GRM4: variants seen among roughly 807,000 people sequenced by gnomAD.
The protein encoded by GRM4 is glutamate metabotropic receptor 4, also known as metabotropic glutamate receptor 4.
GRM4 carries 28 observed loss-of-function variants against 81.7 expected under a neutral mutation model. The ratio of observed to expected loss-of-function variants is 0.34; its 90% confidence interval spans 0.25 to 0.47. The LOEUF is 0.47. Ranked by LOEUF, GRM4 falls within the 20% of genes least tolerant of loss-of-function variation. GRM4 has a pLI of 1.00. For missense variants in GRM4, 948 were observed against 1,290.0 expected, an observed-to-expected ratio of 0.73 and a Z score of 4.06; for synonymous variants, 488 against 528.8, an observed-to-expected ratio of 0.92 and a Z score of 1.06.
Position 34,034,313 on chromosome 6 carries a change from A to G in GRM4, c.2442+1355T>C, listed in dbSNP as rs1764581538. ...AAAGCATGGTGTCCTCCTTGACTCGACTGTCTCCTCGTCTCCCACCCAACG... is the reference window on the plus strand; with the variant it reads ...AAAGCATGGTGTCCTCCTTGACTCGGCTGTCTCCTCGTCTCCCACCCAACG... On this transcript the variant is annotated intron_variant, in intron 9 of 10. Transcript: ENST00000538487. The surrounding 1 kb of genome is among the most constrained non-coding windows in gnomAD (Gnocchi z 4.0). Among the ~76,000 whole-genome samples the G allele has an allele frequency of 6.6e-6, 1 of 151,926 alleles. No homozygotes were observed. The highest frequency in any genetic ancestry group is 2.1e-4 in the South Asian group (1 of 4,810).
intron 2 of GRM4, among the ~76,000 whole-genome samples, chr6:34,123,010 G>T (rs150004995): frequency 2.0e-3 from 301 of 152,302 alleles, no homozygotes; most frequent in Middle Eastern, 0.014. Context: ...AGAGCATGAC[G>T]GGGTGAGGGG....
intron 1 of GRM4, among the ~76,000 whole-genome samples, chr6:34,154,712 C>T (rs1771112140): frequency 6.6e-6 from 1 of 152,120 alleles, no homozygotes; most frequent in Non-Finnish European, 1.5e-5. Context: ...GGGGGGGAGT[C>T]GGCACCCCGG....
At chr6:34,024,015 C>G in intron 10 of GRM4, among the ~76,000 whole-genome samples, 1 of 152,154 alleles carries the variant, frequency 6.6e-6, no homozygotes, top group South Asian at 2.1e-4. Flanking sequence ...TAAAAGCTGC[C>G]CTGACCCTCG....
At chr6:34,098,549 G>A (rs752552183) in intron 2 of GRM4, among the ~76,000 whole-genome samples, 24 of 152,192 alleles carry the variant, frequency 1.6e-4, no homozygotes, top group South Asian at 4.1e-4. Context: ...CCTGCCTGGC[G>A]CAGCCCCTAT....
intron 6 of GRM4, among the ~76,000 whole-genome samples, chr6:34,049,094 C>T (rs1562024991): frequency 6.6e-6 from 1 of 152,150 alleles, no homozygotes; most frequent in African/African-American, 2.4e-5. Context: ...TTCTCTGTTC[C>T]TGCTTACAAT....
chr6:34,145,976 C>T (rs1770916590), intron 1 of GRM4, 24 bp downstream of exon 1: 2 of 984,804 alleles, frequency 2.0e-6, no homozygotes, highest in Non-Finnish European at 2.4e-6. Context: ...TTCCTCCTCC[C>T]CGTGCGCGTG....
Position 34,035,649 on chromosome 6 carries a change from C to A in GRM4, c.2442+19G>T. 1 of 1,483,466 alleles carries A rather than the reference C, an allele frequency of 6.7e-7. No homozygotes were observed. The highest frequency in any genetic ancestry group is 1.3e-5 in the South Asian group (1 of 79,778). The allele number at this position is 1,483,466 out of a possible 1,614,324, so 91.9% of individuals were successfully genotyped here. A position where few individuals can be genotyped will look rare whatever the true frequency, so the allele number is the denominator to read the frequency against. ...TGCCCTCACCTACCCACCGTCCACC[C>A]CCGGCCCCCACCACTCACCTTGTCG... On this transcript the variant is annotated intron_variant, in intron 9 of 10. Transcript: ENST00000538487. The surrounding 1 kb of genome is among the most constrained non-coding windows in gnomAD (Gnocchi z 6.6).
chr6:34,125,459 T>C lies in GRM4; in HGVS notation c.519+7519A>G, dbSNP rs2451336. Among the ~76,000 whole-genome samples the C allele has an allele frequency of 7.1e-3, 1,086 of 152,194 alleles. 16 individuals carry two copies. Among genetic ancestry groups the C allele is most frequent in the African/African-American group, 0.023 (945 of 41,522 alleles). ...TCAGTGGCCAGCTGAGGCTACTAGG[T>C]GTCCAAAAAAAGACCCTGGGCTCAC... On this transcript the variant is annotated intron_variant, in intron 2 of 10. Coordinates refer to ENST00000538487, the MANE Select transcript of GRM4 (RefSeq NM_000841.4).
chr6:34,051,477 T>G (rs929892023), intron 6 of GRM4, among the ~76,000 whole-genome samples: 7 of 152,160 alleles, frequency 4.6e-5, no homozygotes, highest in African/African-American at 1.7e-4. Context: ...TCCCAGCCCC[T>G]GTGTGCAGCA....
chr6:34,141,811 A>G (rs1272986025), intron 1 of GRM4, among the ~76,000 whole-genome samples: 1 of 152,018 alleles, frequency 6.6e-6, no homozygotes, highest in East Asian at 1.9e-4. Context: ...GGTGGAGGGG[A>G]GAAGTGGGAA....
In GRM4 at chr6:34,048,363, A is replaced by C. The variant is rs1765453140; in HGVS notation, c.1169-7615T>G. 6.6e-6 allele frequency among the ~76,000 whole-genome samples: 1 copy of C among 152,072 alleles called. No individual in the cohort carries two copies. The highest frequency in any genetic ancestry group is 2.4e-5 in the African/African-American group (1 of 41,410). On this transcript the variant is annotated intron_variant, in intron 6 of 10. Coordinates refer to ENST00000538487, the MANE Select transcript of GRM4 (RefSeq NM_000841.4). The surrounding 1 kb of genome is among the most constrained non-coding windows in gnomAD (Gnocchi z 4.0). ...CTGGCGCCTGCACAGCCCCGTGCCCAAGAAGGATCAGCTCTCGACTCCTGC... is the reference window on the plus strand; with the variant it reads ...CTGGCGCCTGCACAGCCCCGTGCCCCAGAAGGATCAGCTCTCGACTCCTGC...
At chr6:34,117,085 A>C (rs4713740) in intron 2 of GRM4, among the ~76,000 whole-genome samples, 85,973 of 152,060 alleles carry the variant, frequency 0.57, 24,425 homozygotes, top group Admixed American at 0.63. Context: ...GATACCGGCA[A>C]ATGCATTTAT....
chr6:34,152,743 A>G lies in GRM4; in HGVS notation c.312+2336T>C, dbSNP rs892611104. Among the ~76,000 whole-genome samples, 2 of 152,210 alleles carry G rather than the reference A, an allele frequency of 1.3e-5. No homozygotes were observed. Among genetic ancestry groups the G allele is most frequent in the Non-Finnish European group, 2.9e-5 (2 of 68,038 alleles). On this transcript the variant is annotated intron_variant, in intron 1 of 8. Transcript: ENST00000374177. The surrounding 1 kb of genome is among the most constrained non-coding windows in gnomAD (Gnocchi z 4.1). The stretch of plus-strand genomic sequence containing the variant: ...TGGGACATCAGAATGAGGGTAGAAA[A>G]GAATCTTTAATTCATCAAACTGAAA...
At chr6:34,126,407 C>T (rs1337897363) in intron 2 of GRM4, among the ~76,000 whole-genome samples, 2 of 152,122 alleles carry the variant, frequency 1.3e-5, no homozygotes, top group Non-Finnish European at 2.9e-5. Flanking sequence ...GTCCCTCGTT[C>T]AGCCCCCACC....
intron 10 of GRM4, among the ~76,000 whole-genome samples, chr6:34,027,916 C>T (rs762392912): frequency 3.9e-5 from 6 of 152,196 alleles, no homozygotes; most frequent in Non-Finnish European, 5.9e-5. Context: ...CAGGACAGAA[C>T]GGGCTCTAAT....
intron 2 of GRM4, among the ~76,000 whole-genome samples, chr6:34,095,613 G>A (rs1347053430): frequency 1.3e-5 from 2 of 152,168 alleles, no homozygotes; most frequent in Admixed American, 1.3e-4. Flanking sequence ...AGCTCTTAGG[G>A]GAGCTGCCAT....
At position 34,034,718 on chromosome 6, in the gene GRM4, G is replaced by C. The variant is rs1435090689; in HGVS notation, c.2442+950C>G. Among the ~76,000 whole-genome samples the C allele has an allele frequency of 6.6e-6, 1 of 152,208 alleles. No individual in the cohort carries two copies. The highest frequency in any genetic ancestry group is 1.5e-5 in the Non-Finnish European group (1 of 68,040). On this transcript the variant is annotated intron_variant, in intron 9 of 10. Coordinates refer to ENST00000538487, the MANE Select transcript of GRM4 (RefSeq NM_000841.4). The surrounding 1 kb of genome is among the most constrained non-coding windows in gnomAD (Gnocchi z 4.0). ...GAAAGACTGCAGGGAAAGGGACATG[G>C]TCCCAATTTACTGATGAAGAAACTG...
intron 2 of GRM4, among the ~76,000 whole-genome samples, chr6:34,117,224 A>G (rs1279298104): frequency 6.6e-6 from 1 of 152,242 alleles, no homozygotes; most frequent in African/African-American, 2.4e-5. Context: ...GTGGACCATC[A>G]GAAGCAGAGG....
In GRM4 at chr6:34,028,181, C is replaced by T; in HGVS notation, c.2628G>A (p.Lys876=). ...CCTCTCCGTTGGGCCGGAAGTTGCCCTTCTGCGTGAACTTGTTGGACATGG... is the reference window on the plus strand; with the variant it reads ...CCTCTCCGTTGGGCCGGAAGTTGCCTTTCTGCGTGAACTTGTTGGACATGG... ...AATMSNKFTQ[K]GNFRPNGEAK... Residue 876 remains lysine (K), a synonymous_variant, in exon 10 of 11, where the codon AAG becomes AAA. Transcript: ENST00000538487. 3 of 1,614,066 alleles carry T rather than the reference C, an allele frequency of 1.9e-6. No individual in the cohort carries two copies. Among genetic ancestry groups the T allele is most frequent in the Non-Finnish European group, 2.5e-6 (3 of 1,180,014 alleles).
Sources: allele counts gnomAD v4.1 joint callset (sites outside exome capture counted in the v4.1 genomes callset), GRCh38; gene constraint gnomAD v4.1.1; non-coding constraint Gnocchi (gnomAD v3.1); transcripts MANE v1.5; gene names NCBI Gene and HGNC (gene_info 2026-07-23, HGNC 2026-07-21).